WDFY2: variants seen among roughly 807,000 people sequenced by gnomAD.
WDFY2 encodes WD repeat and FYVE domain containing 2, also known as WD repeat and FYVE domain-containing protein 2.
A neutral mutation model predicts 56.4 loss-of-function variants in WDFY2; 36 were observed. The ratio of observed to expected loss-of-function variants is 0.64; its 90% confidence interval spans 0.49 to 0.84. The LOEUF is 0.84. WDFY2 is among the 40% of genes least tolerant of loss of function. The pLI is 0.00. For missense variants in WDFY2, 444 were observed against 512.2 expected (o/e 0.87, Z 1.29); for synonymous variants, 176 against 183.7 (o/e 0.96, Z 0.34).
At chr13:51,704,970 T>C (rs1397691588) in intron 4 of WDFY2, among the ~76,000 whole-genome samples, 1 of 152,126 alleles carries the variant, frequency 6.6e-6, no homozygotes, top group African/African-American at 2.4e-5. Context: ...AGACCTAGAA[T>C]ATGGCAAGTG....
intron 3 of WDFY2, among the ~76,000 whole-genome samples, chr13:51,702,252 C>A (rs1952000295): frequency 6.6e-6 from 1 of 151,230 alleles, no homozygotes; most frequent in Admixed American, 6.6e-5. Flanking sequence ...GCAGAGGTTG[C>A]AGTGAGCCAG....
At chr13:51,695,495 C>T (rs977772326) in intron 3 of WDFY2, among the ~76,000 whole-genome samples, 36 of 152,268 alleles carry the variant, frequency 2.4e-4, no homozygotes, top group Admixed American at 1.1e-3. Context: ...TGGAGAACAG[C>T]GGATTTTCAT....
At chr13:51,588,437 C>A (rs148693823) in intron 1 of WDFY2, 49 of 152,314 alleles carry the variant, frequency 3.2e-4, no homozygotes, top group African/African-American at 1.1e-3. Flanking sequence ...TCTTAGCATT[C>A]ATACAGAGAC....
chr13:51,620,874 C>T (rs1317066568), intron 1 of WDFY2, among the ~76,000 whole-genome samples: 2 of 152,154 alleles, frequency 1.3e-5, no homozygotes, highest in Non-Finnish European at 2.9e-5. Context: ...GCACTCATCT[C>T]ATCCACTTCC....
intron 4 of WDFY2, among the ~76,000 whole-genome samples, chr13:51,711,562 G>T (rs1952218044): frequency 6.6e-6 from 1 of 152,168 alleles, no homozygotes; most frequent in African/African-American, 2.4e-5. Flanking sequence ...CTAATACCCA[G>T]AATCTACAAA....
chr13:51,731,299 G>C (rs1257926617), intron 6 of WDFY2, among the ~76,000 whole-genome samples: 1 of 152,192 alleles, frequency 6.6e-6, no homozygotes, highest in Admixed American at 6.5e-5. Context: ...GGTCAGAAAA[G>C]AGACAGTAGC....
chr13:51,654,874 T>A (rs1955479399), intron 1 of WDFY2, among the ~76,000 whole-genome samples: 1 of 152,096 alleles, frequency 6.6e-6, no homozygotes, highest in Non-Finnish European at 1.5e-5. Flanking sequence ...GTGTAAAGAT[T>A]TATCAATTGC....
At chr13:51,676,983 G>A (rs1235327764) in intron 3 of WDFY2, among the ~76,000 whole-genome samples, 1 of 152,224 alleles carries the variant, frequency 6.6e-6, no homozygotes, top group Non-Finnish European at 1.5e-5. Flanking sequence ...TAACATAGGA[G>A]TGGTTTGTTG....
chr13:51,616,927 C>T (rs768700718), intron 1 of WDFY2, among the ~76,000 whole-genome samples: 6 of 152,062 alleles, frequency 3.9e-5, no homozygotes, highest in Non-Finnish European at 7.4e-5. Flanking sequence ...TTAAGAAATA[C>T]GTAAGAAATG....
chr13:51,631,412 T>A (rs952787466), intron 1 of WDFY2, among the ~76,000 whole-genome samples: 15 of 151,400 alleles, frequency 9.9e-5, no homozygotes, highest in Non-Finnish European at 1.8e-4. Flanking sequence ...AAAAAAAATT[T>A]AAAAAGAAGG....
At chr13:51,662,011 C>G (rs143213310) in intron 2 of WDFY2, among the ~76,000 whole-genome samples, 199 of 152,110 alleles carry the variant, frequency 1.3e-3, no homozygotes, top group African/African-American at 4.6e-3. Flanking sequence ...CCCTCTGTTG[C>G]CTAGGCTGGA....
chr13:51,738,340 A>G (rs1952888562), intron 6 of WDFY2, among the ~76,000 whole-genome samples: 1 of 152,222 alleles, frequency 6.6e-6, no homozygotes, highest in African/African-American at 2.4e-5. Flanking sequence ...CAGTAATCCT[A>G]ATAACCCACA....
intron 1 of WDFY2, among the ~76,000 whole-genome samples, chr13:51,598,991 C>T (rs1281953461): frequency 6.6e-6 from 1 of 151,282 alleles, no homozygotes; most frequent in African/African-American, 2.4e-5. Flanking sequence ...TCACTGCAAC[C>T]TCCGCCTTCC....
intron 1 of WDFY2, among the ~76,000 whole-genome samples, chr13:51,629,135 A>G (rs1417035044): frequency 1.3e-5 from 2 of 152,240 alleles, no homozygotes; most frequent in Non-Finnish European, 2.9e-5. Context: ...TACTCCTCAC[A>G]TGGGAAGTCT....
chr13:51,739,430 G>T (rs1209290017), intron 7 of WDFY2, among the ~76,000 whole-genome samples: 1 of 151,884 alleles, frequency 6.6e-6, no homozygotes. Context: ...TAAATAAAAG[G>T]TAAAAATTAG....
chr13:51,623,087 A>G (rs1954769193), intron 1 of WDFY2, among the ~76,000 whole-genome samples: 1 of 152,026 alleles, frequency 6.6e-6, no homozygotes, highest in Non-Finnish European at 1.5e-5. Context: ...TGAACTCCTG[A>G]CTTCAAGTGA....
intron 1 of WDFY2, among the ~76,000 whole-genome samples, chr13:51,635,055 C>T (rs1405391759): frequency 1.3e-5 from 2 of 152,170 alleles, no homozygotes; most frequent in African/African-American, 2.4e-5. Flanking sequence ...TCTCCTGCCT[C>T]AGCCTCCCGA....
intron 10 of WDFY2, among the ~76,000 whole-genome samples, chr13:51,757,024 G>A (rs1953407721): frequency 2.0e-5 from 3 of 152,152 alleles, no homozygotes; most frequent in Admixed American, 2.0e-4. Context: ...TTTAGTGTTG[G>A]CTCATTGAAA....
At chr13:51,642,676 CTTTTTTTTTT>C (rs999605077) in intron 1 of WDFY2, among the ~76,000 whole-genome samples, 2 of 103,060 alleles carry the variant, frequency 1.9e-5, no homozygotes, top group African/African-American at 7.4e-5. Flanking sequence ...GGGCATCTGT[CTTTTTTTTTT>C]TTTTTTTTTT....
Sources: gnomAD v4.1 joint callset for allele counts (sites outside exome capture counted in the v4.1 genomes callset) on GRCh38, gnomAD v4.1.1 for gene constraint, MANE v1.5 for transcripts, NCBI Gene and HGNC (gene_info 2026-07-23, HGNC 2026-07-21) for gene names.